The following ANKFN1 variants were observed in gnomAD, a reference collection of about 807,000 sequenced individuals.
ANKFN1 encodes the protein ankyrin repeat and fibronectin type-III domain-containing protein 1.
Under a neutral mutation model 108.7 loss-of-function variants are expected in ANKFN1, and 74 were observed. The observed-to-expected ratio is 0.68, with a 90% CI of 0.56 to 0.83. The LOEUF (loss-of-function observed/expected upper bound fraction) is 0.83, where lower values mean the gene tolerates loss of function less well. Among genes scored for constraint, ANKFN1 ranks in the 40% least tolerant of loss-of-function variants. The probability of loss-of-function intolerance (pLI) is 0.00; values close to 1 mark genes in which losing one functional copy is unlikely to be tolerated. For synonymous variants in ANKFN1, 547 were observed against 516.2 expected (o/e 1.06, Z -0.81); for missense variants, 1,505 against 1,382.3 (o/e 1.09, Z -1.41).
At chr17:56,343,898 CT>C (rs2046027804) in intron 4 of ANKFN1, among the ~76,000 whole-genome samples, 1 of 151,806 alleles carries the variant, frequency 6.6e-6, no homozygotes. Flanking sequence ...TTTAGAATTT[CT>C]ATTTAGTTCT....
chr17:56,138,990 C>T (rs1907761337), intron 4 of ANKFN1, among the ~76,000 whole-genome samples: 3 of 152,098 alleles, frequency 2.0e-5, no homozygotes, highest in Admixed American at 1.3e-4. Flanking sequence ...ATACACATGT[C>T]CTCTTAACAA....
chr17:56,233,006 C>G (rs901430502), intron 3 of ANKFN1, among the ~76,000 whole-genome samples: 4 of 152,068 alleles, frequency 2.6e-5, no homozygotes, highest in African/African-American at 9.7e-5. Context: ...ATTACCTTGT[C>G]TGTTCCTGAC....
chr17:56,440,893 A>C (rs1701449351), intron 9 of ANKFN1, among the ~76,000 whole-genome samples: 1 of 152,140 alleles, frequency 6.6e-6, no homozygotes, highest in South Asian at 2.1e-4. Flanking sequence ...AAAAAAAAAA[A>C]ACGAAGTCTG....
chr17:56,331,578 G>A (rs538724534), intron 4 of ANKFN1, among the ~76,000 whole-genome samples: 12 of 152,134 alleles, frequency 7.9e-5, no homozygotes, highest in Admixed American at 2.6e-4. Flanking sequence ...CAGGCAGCCA[G>A]ATCAAGTTCC....
chr17:56,150,932 G>T (rs143080999), upstream of ANKFN1, among the ~76,000 whole-genome samples: 542 of 152,266 alleles, frequency 3.6e-3, 1 homozygote, highest in Non-Finnish European at 5.9e-3. Context: ...AAAGGATTTG[G>T]GACACCGGGG....
intron 6 of ANKFN1, 105 bp from the exon 7 acceptor site, chr17:56,372,539 ATT>A (rs5821127): frequency 0.12 from 90,174 of 760,274 alleles, 18 homozygotes; most frequent in East Asian, 0.23. Context: ...TTTCCCAGGC[ATT>A]TTTTTTTTTT....
chr17:56,479,240 T>A (rs972645846), intron 16 of ANKFN1, among the ~76,000 whole-genome samples: 1 of 152,224 alleles, frequency 6.6e-6, no homozygotes, highest in Non-Finnish European at 1.5e-5. Context: ...TTCCATCTCC[T>A]TCATCCTTCT....
At chr17:56,377,177 A>G (rs142450151) in intron 8 of ANKFN1, among the ~76,000 whole-genome samples, 1 of 152,228 alleles carries the variant, frequency 6.6e-6, no homozygotes, top group African/African-American at 2.4e-5. Flanking sequence ...TATTTTGACA[A>G]CTCAATGTTT....
At chr17:56,389,076 A>G (rs1275865231) in intron 8 of ANKFN1, among the ~76,000 whole-genome samples, 4 of 152,188 alleles carry the variant, frequency 2.6e-5, no homozygotes, top group Non-Finnish European at 4.4e-5. Context: ...ATCCCAGAAA[A>G]ATGAAAGTTT....
chr17:56,376,753 G>A (rs753973166), intron 8 of ANKFN1, among the ~76,000 whole-genome samples: 13 of 152,146 alleles, frequency 8.5e-5, no homozygotes, highest in Non-Finnish European at 1.8e-4. Flanking sequence ...TCACAAGTGG[G>A]TTCTGTTAGA....
At chr17:56,082,806 T>C (rs949643461) in intron 4 of ANKFN1, among the ~76,000 whole-genome samples, 5 of 152,172 alleles carry the variant, frequency 3.3e-5, no homozygotes, top group African/African-American at 1.2e-4. Flanking sequence ...AGATGTACCG[T>C]TCAGTGAACT....
At chr17:56,066,671 C>T (rs1905061964) in intron 4 of ANKFN1, among the ~76,000 whole-genome samples, 1 of 152,096 alleles carries the variant, frequency 6.6e-6, no homozygotes, top group Admixed American at 6.5e-5. Flanking sequence ...TCACCGATTG[C>T]TGTGCAACCA....
intron 6 of ANKFN1, among the ~76,000 whole-genome samples, chr17:56,359,505 C>T (rs965879989): frequency 1.3e-5 from 2 of 152,158 alleles, no homozygotes; most frequent in African/African-American, 2.4e-5. Context: ...TCTCCTCTCC[C>T]TCTGCATTTC....
chr17:56,103,435 G>A (rs562155318), intron 4 of ANKFN1, among the ~76,000 whole-genome samples: 2 of 152,344 alleles, frequency 1.3e-5, no homozygotes, highest in East Asian at 3.9e-4. Flanking sequence ...AACATCTGCT[G>A]GAGGAGGACC....
chr17:56,462,917 G>A (rs1020764682), intron 14 of ANKFN1, among the ~76,000 whole-genome samples: 9 of 152,196 alleles, frequency 5.9e-5, no homozygotes, highest in East Asian at 3.9e-4. Context: ...ATTTTATCAC[G>A]GCTCACAAAG....
chr17:56,487,400 C>CA (rs1399475475), intron 18 of ANKFN1, among the ~76,000 whole-genome samples: 2 of 152,090 alleles, frequency 1.3e-5, no homozygotes, highest in Non-Finnish European at 2.9e-5. Context: ...GCCTAGCCTG[C>CA]ACAGAGGAGG....
rs16957088 is a variant in ANKFN1, at chr17:56,316,264, G to C, written c.54-9957G>C. ...AGAATTAACTTCCTTGCTTCTCTTG[G>C]TATTTCAAATTCTCACTGTGATTAA... On this transcript the variant is annotated intron_variant, in intron 3 of 20. Transcript: ENST00000682825. Among the ~76,000 whole-genome samples, 824 of 152,146 alleles carry C rather than the reference G, an allele frequency of 5.4e-3. 8 individuals are homozygous for C. The highest frequency in any genetic ancestry group is 0.019 in the African/African-American group (777 of 41,504).
chr17:56,467,830 GAAA>G (rs2050173761), intron 15 of ANKFN1, among the ~76,000 whole-genome samples: 3 of 68,660 alleles, frequency 4.4e-5, no homozygotes, highest in Non-Finnish European at 7.9e-5. Flanking sequence ...AAGAAAGAAA[GAAA>G]GAAAGAAAGA....
chr17:56,424,253 C>T (rs949552622), intron 8 of ANKFN1, among the ~76,000 whole-genome samples: 2 of 152,164 alleles, frequency 1.3e-5, no homozygotes, highest in Admixed American at 6.5e-5. Flanking sequence ...ACTTACAAAC[C>T]TGTGTACCTC....
Sources: gnomAD v4.1 joint callset for allele counts (sites outside exome capture counted in the v4.1 genomes callset) on GRCh38, gnomAD v4.1.1 for gene constraint, MANE v1.5 for transcripts, NCBI Gene and HGNC (gene_info 2026-07-23, HGNC 2026-07-21) for gene names.